The following TTC28 variants were observed in gnomAD, a reference collection of about 807,000 sequenced individuals.
The protein encoded by TTC28 is tetratricopeptide repeat protein 28.
Under a neutral mutation model 198.0 loss-of-function variants are expected in TTC28, and 61 were observed. The ratio of observed to expected loss-of-function variants is 0.31; its 90% CI spans 0.25 to 0.38. TTC28 has a LOEUF of 0.38. Ranked by LOEUF, TTC28 falls within the 10% of genes least tolerant of loss-of-function variation. The probability of loss-of-function intolerance (pLI) is 1.00; values close to 1 mark genes in which losing one functional copy is unlikely to be tolerated. For missense variants in TTC28, 2,678 were observed against 3,164.0 expected, an observed-to-expected ratio of 0.85 and a Z score of 3.69; for synonymous variants, 1,171 against 1,297.8, an observed-to-expected ratio of 0.90 and a Z score of 2.10.
At chr22:28,466,954 T>A (rs2048030546) in intron 2 of TTC28, among the ~76,000 whole-genome samples, 1 of 152,080 alleles carries the variant, frequency 6.6e-6, no homozygotes. Context: ...AAGAAGATAA[T>A]TTTTTAAGTG....
At chr22:28,638,963 G>C (rs1048203823) in intron 1 of TTC28, among the ~76,000 whole-genome samples, 2 of 152,140 alleles carry the variant, frequency 1.3e-5, no homozygotes, top group East Asian at 3.9e-4. Context: ...ACCAAGCCTT[G>C]CCTGATACAA....
chr22:28,419,121 G>C (rs1326451882), intron 2 of TTC28, among the ~76,000 whole-genome samples: 1 of 152,056 alleles, frequency 6.6e-6, no homozygotes, highest in Non-Finnish European at 1.5e-5. Context: ...AAGAACCTAA[G>C]AGCCAAAGAA....
chr22:28,479,831 GT>G (rs1338733890), intron 2 of TTC28, among the ~76,000 whole-genome samples: 2 of 151,778 alleles, frequency 1.3e-5, no homozygotes, highest in Non-Finnish European at 2.9e-5. Flanking sequence ...TCCTTTCCCT[GT>G]TTTCTGTTCC....
At chr22:28,178,890 T>C (rs533253028) in intron 5 of TTC28, among the ~76,000 whole-genome samples, 6 of 152,274 alleles carry the variant, frequency 3.9e-5, no homozygotes, top group African/African-American at 1.4e-4. Context: ...CAGATCCACA[T>C]ATGTGAGACT....
At chr22:28,370,062 TGGGTGG>T (rs368663830) in intron 2 of TTC28, among the ~76,000 whole-genome samples, 61 of 152,246 alleles carry the variant, frequency 4.0e-4, no homozygotes, top group African/African-American at 1.3e-3. Context: ...TCTGTGGCTT[TGGGTGG>T]GGCTTAGCCA....
chr22:28,001,260 C>G lies in TTC28; in HGVS notation c.4398+114G>C, dbSNP rs566118281. The G allele has an allele frequency of 4.5e-6, 6 of 1,335,588 alleles. No individual in the cohort carries two copies. In the Admixed American group the frequency reaches 1.2e-4, roughly 28 times the overall value. 82.7% of individuals were successfully genotyped at this position (1,335,588 alleles called of 1,614,324 possible). A position where few individuals can be genotyped will look rare whatever the true frequency, so the allele number is the denominator to read the frequency against. On this transcript the variant is annotated intron_variant, in intron 15 of 22. Coordinates refer to ENST00000397906, the MANE Select transcript of TTC28 (RefSeq NM_001145418.2). ...CTGCGTGCAAATCATAAAATCAACA[C>G]TTTTGAGGAGATCACAGCTATGCCT...
intron 2 of TTC28, among the ~76,000 whole-genome samples, chr22:28,316,806 A>G (rs1272756620): frequency 6.6e-6 from 1 of 152,174 alleles, no homozygotes; most frequent in African/African-American, 2.4e-5. Context: ...TTACTCTGTT[A>G]TCCAGGCTGG....
At chr22:28,370,428 G>T (rs750216863) in intron 2 of TTC28, among the ~76,000 whole-genome samples, 1 of 152,012 alleles carries the variant, frequency 6.6e-6, no homozygotes. Context: ...GTTAAACCTC[G>T]AATTCCTACA....
At chr22:28,062,902 GT>G (rs1280947943) in intron 12 of TTC28, among the ~76,000 whole-genome samples, 3 of 152,070 alleles carry the variant, frequency 2.0e-5, no homozygotes, top group Non-Finnish European at 4.4e-5. Context: ...TTCATAAATG[GT>G]ATCAGTCTTT....
chr22:28,261,642 A>G (rs1194666175), intron 5 of TTC28, among the ~76,000 whole-genome samples: 1 of 152,136 alleles, frequency 6.6e-6, no homozygotes, highest in Non-Finnish European at 1.5e-5. Flanking sequence ...AACCCTCTCT[A>G]CCGAATGCCT....
At chr22:28,383,163 G>A (rs1036921384) in intron 2 of TTC28, among the ~76,000 whole-genome samples, 6 of 152,064 alleles carry the variant, frequency 3.9e-5, no homozygotes, top group African/African-American at 1.4e-4. Context: ...TCATTCACTG[G>A]CCATTATTTC....
At chr22:28,253,872 A>C (rs2147280109) in intron 5 of TTC28, among the ~76,000 whole-genome samples, 1 of 152,278 alleles carries the variant, frequency 6.6e-6, no homozygotes, top group South Asian at 2.1e-4. Context: ...TGGGAGGCCA[A>C]GGTGGGTGGA....
intron 6 of TTC28, among the ~76,000 whole-genome samples, chr22:28,135,247 G>A (rs1419396488): frequency 6.6e-6 from 1 of 152,024 alleles, no homozygotes; most frequent in Non-Finnish European, 1.5e-5. Context: ...CTCTGTTGAG[G>A]GAACTCAACA....
intron 13 of TTC28, among the ~76,000 whole-genome samples, chr22:28,029,326 G>C (rs1938976830): frequency 6.6e-6 from 1 of 152,112 alleles, no homozygotes; most frequent in Admixed American, 6.6e-5. Context: ...AGGAAACCAG[G>C]GCCTGGAGTA....
chr22:28,205,291 T>C (rs1926307756), intron 5 of TTC28, among the ~76,000 whole-genome samples: 1 of 152,056 alleles, frequency 6.6e-6, no homozygotes, highest in South Asian at 2.1e-4. Context: ...ATAGTAAAGT[T>C]AGACATTTTT....
chr22:28,605,947 T>C (rs2050723783), intron 2 of TTC28, among the ~76,000 whole-genome samples: 1 of 152,196 alleles, frequency 6.6e-6, no homozygotes, highest in Non-Finnish European at 1.5e-5. Flanking sequence ...AAATAGATTG[T>C]TAATGTTCTC....
chr22:28,539,214 G>A (rs1029099994), intron 2 of TTC28, among the ~76,000 whole-genome samples: 39 of 152,122 alleles, frequency 2.6e-4, no homozygotes, highest in African/African-American at 8.2e-4. Flanking sequence ...ACTGGAGCTC[G>A]GCAAGGAGAG....
At chr22:28,221,006 C>G (rs983599965) in intron 5 of TTC28, among the ~76,000 whole-genome samples, 2 of 152,086 alleles carry the variant, frequency 1.3e-5, no homozygotes, top group Non-Finnish European at 2.9e-5. Flanking sequence ...TGAGACAATA[C>G]AGATAAAGAA....
chr22:28,464,311 T>C (rs570664405), intron 2 of TTC28, among the ~76,000 whole-genome samples: 4 of 152,298 alleles, frequency 2.6e-5, no homozygotes, highest in Non-Finnish European at 5.9e-5. Flanking sequence ...TAATTTTTAA[T>C]ACCAAAAGTA....
Sources: gnomAD v4.1 joint callset for allele counts (sites outside exome capture counted in the v4.1 genomes callset) on GRCh38, gnomAD v4.1.1 for gene constraint, MANE v1.5 for transcripts, NCBI Gene and HGNC (gene_info 2026-07-23, HGNC 2026-07-21) for gene names.